Variants in MACROD2 observed in about 807,000 individuals in gnomAD.
MACROD2 encodes mono-ADP ribosylhydrolase 2.
Under a neutral mutation model 70.4 loss-of-function variants are expected in MACROD2, and 36 were observed. The ratio of observed to expected loss-of-function variants is 0.51; its 90% confidence interval spans 0.39 to 0.68. The LOEUF is 0.68. Ranked by LOEUF, MACROD2 falls within the 30% of genes least tolerant of loss-of-function variation. The pLI, the probability that MACROD2 is intolerant of heterozygous loss-of-function variation, is 0.00. For synonymous variants in MACROD2, 172 were observed against 178.8 expected (o/e 0.96, Z 0.30); for missense variants, 496 against 538.4 (o/e 0.92, Z 0.78).
At chr20:14,849,328 T>C (rs2073174354) in intron 5 of MACROD2, among the ~76,000 whole-genome samples, 1 of 152,198 alleles carries the variant, frequency 6.6e-6, no homozygotes, top group African/African-American at 2.4e-5. Flanking sequence ...TCATGATTGC[T>C]TTATTGCTAG....
intron 3 of MACROD2, among the ~76,000 whole-genome samples, chr20:14,129,228 G>A (rs973112293): frequency 6.6e-6 from 1 of 152,102 alleles, no homozygotes; most frequent in African/African-American, 2.4e-5. Flanking sequence ...ATATTAACAC[G>A]AACAGAAATT....
intron 8 of MACROD2, among the ~76,000 whole-genome samples, chr20:15,568,230 C>T (rs1433911319): frequency 6.6e-6 from 1 of 152,182 alleles, no homozygotes; most frequent in Admixed American, 6.5e-5. Flanking sequence ...AAATCTCAGA[C>T]CTCTCATCCT....
intron 4 of MACROD2, among the ~76,000 whole-genome samples, chr20:14,656,160 A>T (rs1985963666): frequency 6.6e-6 from 1 of 152,126 alleles, no homozygotes. Flanking sequence ...GTCTTGTGGC[A>T]TTTCCCCAGG....
At chr20:14,360,679 A>G (rs2083212929) in intron 3 of MACROD2, among the ~76,000 whole-genome samples, 1 of 152,240 alleles carries the variant, frequency 6.6e-6, no homozygotes, top group Non-Finnish European at 1.5e-5. Flanking sequence ...GTTGCAAGCT[A>G]TAAAGACCTC....
At chr20:14,304,264 A>G (rs2082501053) in intron 3 of MACROD2, among the ~76,000 whole-genome samples, 2 of 152,362 alleles carry the variant, frequency 1.3e-5, no homozygotes, top group Admixed American at 6.5e-5. Context: ...TGAACCGAAC[A>G]TAATATTCCA....
In MACROD2 at chr20:14,614,148, A is replaced by G. The variant is rs146945530; in HGVS notation, c.302-70695A>G. ...GAGCCTGAGTTTTGGGGTTTGATGT[A>G]ACTCCACACCTAACTAACTGTGTGA... is the stretch of plus-strand genomic sequence containing the variant. On this transcript the variant is annotated intron_variant, in intron 4 of 17. Coordinates refer to ENST00000684519, the MANE Select transcript of MACROD2 (RefSeq NM_001351661.2). Among the ~76,000 whole-genome samples, 5 of 152,278 alleles carry G rather than the reference A, an allele frequency of 3.3e-5. No homozygotes were observed. The East Asian group carries it at 9.7e-4, about 29-fold the overall frequency.
intron 8 of MACROD2, among the ~76,000 whole-genome samples, chr20:15,813,335 A>G (rs1464085236): frequency 6.6e-6 from 1 of 152,216 alleles, no homozygotes; most frequent in Non-Finnish European, 1.5e-5. Context: ...AAGGCAAAAC[A>G]AGGCAGCCCT....
At chr20:15,440,122 G>A (rs1454071713) in intron 7 of MACROD2, among the ~76,000 whole-genome samples, 1 of 152,180 alleles carries the variant, frequency 6.6e-6, no homozygotes, top group East Asian at 1.9e-4. Context: ...AATTTTATGA[G>A]AGTCAATATA....
chr20:14,546,493 T>C (rs1308205710), intron 4 of MACROD2, among the ~76,000 whole-genome samples: 1 of 152,216 alleles, frequency 6.6e-6, no homozygotes, highest in Non-Finnish European at 1.5e-5. Flanking sequence ...ATATCCATCA[T>C]ATATTGTTAG....
At chr20:15,000,629 CAAAAAAAAAA>C (rs398040701) in intron 5 of MACROD2, among the ~76,000 whole-genome samples, 34 of 21,982 alleles carry the variant, frequency 1.5e-3, no homozygotes, top group Non-Finnish European at 1.9e-3. Flanking sequence ...GACTCCGTCT[CAAAAAAAAAA>C]AAAAAAAAAA....
At chr20:15,706,783 C>T (rs1006490839) in intron 8 of MACROD2, among the ~76,000 whole-genome samples, 1 of 152,136 alleles carries the variant, frequency 6.6e-6, no homozygotes, top group Non-Finnish European at 1.5e-5. Flanking sequence ...CATCATAATT[C>T]AACATTTCAT....
chr20:15,629,664 G>A (rs200764), intron 8 of MACROD2, among the ~76,000 whole-genome samples: 75,265 of 151,996 alleles, frequency 0.5, 19,395 homozygotes, highest in African/African-American at 0.65. Flanking sequence ...TTACATGTGG[G>A]AAATATACTT....
At chr20:14,896,595 G>C (rs2073832681) in intron 5 of MACROD2, among the ~76,000 whole-genome samples, 2 of 151,658 alleles carry the variant, frequency 1.3e-5, no homozygotes. Flanking sequence ...CTCACCTGAG[G>C]AAACAGAGCC....
intron 2 of MACROD2, among the ~76,000 whole-genome samples, chr20:14,030,180 G>A (rs945932299): frequency 1.2e-4 from 18 of 152,154 alleles, no homozygotes; most frequent in Middle Eastern, 3.4e-3. Flanking sequence ...CTAGGACTAC[G>A]GAAACTTGCT....
chr20:16,012,311 T>A (rs2066874122), intron 15 of MACROD2, among the ~76,000 whole-genome samples: 1 of 152,250 alleles, frequency 6.6e-6, no homozygotes, highest in Non-Finnish European at 1.5e-5. Context: ...ACTTTCCATT[T>A]GCTTTTCCTT....
chr20:15,057,592 T>C (rs926660941), intron 5 of MACROD2, among the ~76,000 whole-genome samples: 1 of 152,220 alleles, frequency 6.6e-6, no homozygotes, highest in Non-Finnish European at 1.5e-5. Context: ...ACCATGACAC[T>C]AACCGTATTG....
intron 15 of MACROD2, among the ~76,000 whole-genome samples, chr20:16,016,638 C>T (rs908328219): frequency 2.0e-5 from 3 of 152,168 alleles, no homozygotes; most frequent in African/African-American, 4.8e-5. Flanking sequence ...CGGGTTCAAG[C>T]GATGCTCCTG....
chr20:14,523,936 A>C (rs2085199031), intron 4 of MACROD2, among the ~76,000 whole-genome samples: 3 of 152,172 alleles, frequency 2.0e-5, no homozygotes, highest in Admixed American at 6.5e-5. Context: ...ATGCCAGTCT[A>C]GTTATGAGAG....
At position 15,986,491 on chromosome 20, in the gene MACROD2, T is replaced by C. The variant is rs184934402; in HGVS notation, c.986-236T>C. 1.1e-4 allele frequency among the ~76,000 whole-genome samples: 17 copies of C among 152,350 alleles called. 1 individual carries two copies. Among genetic ancestry groups the C allele is most frequent in the African/African-American group, 4.1e-4 (17 of 41,586 alleles). On this transcript the variant is annotated intron_variant, in intron 13 of 17. Transcript: ENST00000684519. ...TGTGCATTCATAAGCTAAGTAAGTA[T>C]GCCAATTTTGCATCAGTTTCCAAAA...
Sources: allele counts gnomAD v4.1 joint callset (sites outside exome capture counted in the v4.1 genomes callset), GRCh38; gene constraint gnomAD v4.1.1; transcripts MANE v1.5; gene names NCBI Gene and HGNC (gene_info 2026-07-23, HGNC 2026-07-21).